The following OSCP1 variants were observed in gnomAD, a reference collection of about 807,000 sequenced individuals.
OSCP1 encodes protein OSCP1.
A neutral mutation model predicts 45.1 loss-of-function variants in OSCP1; 35 were observed. The ratio of observed to expected loss-of-function variants is 0.78; its 90% CI spans 0.59 to 1.03. The LOEUF (loss-of-function observed/expected upper bound fraction) is 1.03. Among genes scored for constraint, OSCP1 ranks in the 50% least tolerant of loss-of-function variants. The pLI is 0.00. For synonymous variants in OSCP1, 179 were observed against 180.1 expected, an observed-to-expected ratio of 0.99 and a Z score of 0.05; for missense variants, 400 against 470.7, an observed-to-expected ratio of 0.85 and a Z score of 1.39.
chr1:36,419,087 A>G (rs373663686), intron 8 of OSCP1, 33 bp from the exon 9 acceptor site: 18 of 1,571,456 alleles, frequency 1.1e-5, no homozygotes, highest in African/African-American at 2.7e-5. Flanking sequence ...TGGGTGCAAC[A>G]TTAGGGTTCT....
intron 2 of OSCP1, among the ~76,000 whole-genome samples, chr1:36,437,246 C>T (rs1648805603): frequency 6.6e-6 from 1 of 151,628 alleles, no homozygotes; most frequent in African/African-American, 2.4e-5. Flanking sequence ...ACTTGTCTGT[C>T]CTCTGCCATT....
At chr1:36,426,403 GGGCTCACCTCTGAGCTCAT>G (rs1647964863) in intron 4 of OSCP1, among the ~76,000 whole-genome samples, 1 of 152,024 alleles carries the variant, frequency 6.6e-6, no homozygotes, top group Non-Finnish European at 1.5e-5. Context: ...CCATACTCCA[GGGCTCACCTCTGAGCTCAT>G]GGCTCCCAGA....
Position 36,432,605 on chromosome 1 carries a change from C to A in OSCP1, c.268-16G>T. On this transcript the variant is annotated splice_polypyrimidine_tract_variant and intron_variant, in intron 2 of 9. Transcript: ENST00000235532. The stretch of plus-strand genomic sequence containing the variant: ...GGTCATAGAGCTGCCAACCCACACA[C>A]AAGCAAAAGAAATGGGATCATATCA... 6.2e-7 allele frequency: 1 copy of A among 1,614,026 alleles called. No individual in the cohort carries two copies. Among genetic ancestry groups the A allele is most frequent in the Non-Finnish European group, 8.5e-7 (1 of 1,179,962 alleles).
At position 36,441,750 on chromosome 1, in the gene OSCP1, CAAAAAAA is replaced by C. The variant is rs575967932; in HGVS notation, c.113-2847_113-2841del. 1.4e-3 allele frequency among the ~76,000 whole-genome samples: 79 copies of C among 58,280 alleles called. No homozygotes were observed. In the East Asian group the frequency reaches 0.028, roughly 21 times the overall value. 38.2% of individuals were successfully genotyped at this position (58,280 alleles called of 152,430 possible). On this transcript the variant is annotated intron_variant, in intron 1 of 9. Coordinates refer to ENST00000235532, the MANE Select transcript of OSCP1 (RefSeq NM_145047.5). The stretch of plus-strand genomic sequence containing the variant: ...TGGGTAACAGAGCGAGACTCCAGCT[CAAAAAAA>C]AAAAAAAAAAAAAAAGTAATTTGTT...
At chr1:36,448,958 T>C (rs1473637441) in intron 1 of OSCP1, among the ~76,000 whole-genome samples, 1 of 152,194 alleles carries the variant, frequency 6.6e-6, no homozygotes, top group Non-Finnish European at 1.5e-5. Flanking sequence ...GAAAGCTCAT[T>C]GGCGGCAATG....
intron 4 of OSCP1, among the ~76,000 whole-genome samples, chr1:36,426,754 G>A (rs1337318064): frequency 6.6e-6 from 1 of 152,104 alleles, no homozygotes; most frequent in Non-Finnish European, 1.5e-5. Flanking sequence ...AGCCCAGGCT[G>A]TAGTGCAGTG....
Position 36,432,518 on chromosome 1 carries a change from CAG to C in OSCP1, c.337_338del (p.Leu113GlyfsTer71). Reference protein sequence around the residue: ...LLCPRPKDVLLVTFNHLDTIK... With the variant: ...LLCPRPKDVLXVTFNHLDTIK... ...TGGTATCCAAGTGATTGAAAGTGAC[CAG>C]CAGCACATCCTTGGGTCGGGGACAC... On this transcript the variant is annotated frameshift_variant, in exon 3 of 10. Transcript: ENST00000235532. LOFTEE classifies it high-confidence loss of function. 1 of 1,614,022 alleles carries C rather than the reference CAG, an allele frequency of 6.2e-7. No individual in the cohort carries two copies. The highest frequency in any genetic ancestry group is 8.5e-7 in the Non-Finnish European group (1 of 1,179,994).
intron 1 of OSCP1, among the ~76,000 whole-genome samples, chr1:36,441,309 C>T (rs1189637096): frequency 6.6e-6 from 1 of 152,176 alleles, no homozygotes; most frequent in Non-Finnish European, 1.5e-5. Flanking sequence ...CAATTTGCTT[C>T]ACCCAGCCCT....
Position 36,418,926 on chromosome 1 carries a change from C to CAAA in OSCP1, c.1023+64_1023+65insTTT, listed in dbSNP as rs373575842. The CAAA allele has an allele frequency of 5.4e-4, 686 of 1,264,904 alleles. 3 individuals are homozygous for CAAA. Among genetic ancestry groups the CAAA allele is most frequent in the South Asian group, 1.2e-3 (91 of 75,644 alleles). The allele number at this position is 1,264,904 out of a possible 1,614,324, so 78.4% of individuals were successfully genotyped here. A position where few individuals can be genotyped will look rare whatever the true frequency, so the allele number is the denominator to read the frequency against. ...TGGGTGACAGAGCGAGACCCTGTCT[C>CAAA]AAGAAAAAAAAAAAAAGATGAGGAA... On this transcript the variant is annotated intron_variant, in intron 9 of 9. Coordinates refer to ENST00000235532, the MANE Select transcript of OSCP1 (RefSeq NM_145047.5).
intron 2 of OSCP1, 47 bp from the exon 3 acceptor site, chr1:36,432,636 A>G (rs1648448923): frequency 6.2e-7 from 1 of 1,609,420 alleles, no homozygotes; most frequent in East Asian, 2.2e-5. Context: ...TATCAAAATC[A>G]GGTGTGAGAA....
rs935758772 is a variant in OSCP1, at chr1:36,447,931, C to T, written c.112+2327G>A. 1.1e-5 allele frequency: 5 copies of T among 450,828 alleles called. No homozygotes were observed. In the Admixed American group the frequency reaches 1.2e-4, roughly 11 times the overall value. The allele number at this position is 450,828 out of a possible 1,614,324, so 27.9% of individuals were successfully genotyped here. ...TGCGAATGTAAATTACTAAAGATGG[C>T]CGAAACTCCCAAAACCATATTTAGC... On this transcript the variant is annotated intron_variant, in intron 1 of 9. Transcript: ENST00000235532. This position sits in a 1 kb window ranked among gnomAD's most constrained non-coding sequence, Gnocchi z 4.1.
rs371289149 is a variant in OSCP1, at chr1:36,443,938, T to G, written c.113-5028A>C. 6 of 1,540,960 alleles carry G rather than the reference T, an allele frequency of 3.9e-6. No individual in the cohort carries two copies. In the African/African-American group the frequency reaches 8.2e-5, roughly 21 times the overall value. On this transcript the variant is annotated intron_variant, in intron 1 of 9. Coordinates refer to ENST00000235532, the MANE Select transcript of OSCP1 (RefSeq NM_145047.5). ...TTTCAAGCGGTCCCATTTTAAGCCC[T>G]GCTGATAAAGGCCTGAGTGAACCTG...
intron 4 of OSCP1, among the ~76,000 whole-genome samples, chr1:36,430,379 T>A (rs75026486): frequency 6.6e-6 from 1 of 151,974 alleles, no homozygotes; most frequent in African/African-American, 2.4e-5. Context: ...TAGAATTGCC[T>A]AGCTATGTAG....
intron 2 of OSCP1, among the ~76,000 whole-genome samples, chr1:36,435,326 T>C (rs1648652105): frequency 6.6e-6 from 1 of 151,690 alleles, no homozygotes; most frequent in South Asian, 2.1e-4. Context: ...TGTTAAAAAA[T>C]ATTAGAGACG....
At chr1:36,444,315 T>G (rs1649374641) in intron 1 of OSCP1, among the ~76,000 whole-genome samples, 1 of 152,204 alleles carries the variant, frequency 6.6e-6, no homozygotes, top group Non-Finnish European at 1.5e-5. Flanking sequence ...TGGTTCATCT[T>G]GAAAGGCCCA....
At chr1:36,420,142 ATT>A (rs879625733) in intron 8 of OSCP1, among the ~76,000 whole-genome samples, 13 of 138,432 alleles carry the variant, frequency 9.4e-5, no homozygotes, top group Non-Finnish European at 1.1e-4. Context: ...CACCCAGCTA[ATT>A]TTTTTTTTTT....
Position 36,432,414 on chromosome 1 carries a change from A to C in OSCP1, c.435+8T>G, listed in dbSNP as rs762891654. The stretch of plus-strand genomic sequence containing the variant: ...GGCTGAGAGGCGAGACACTGATGGC[A>C]CTCTTACTTCTGTCAGCTGCCGCAA... On this transcript the variant is annotated splice_region_variant and intron_variant, in intron 3 of 9. Transcript: ENST00000235532. 2.5e-6 allele frequency: 4 copies of C among 1,613,308 alleles called. No individual in the cohort carries two copies. Among genetic ancestry groups the C allele is most frequent in the Admixed American group, 1.7e-5 (1 of 59,982 alleles).
Position 36,423,413 on chromosome 1 carries a change from C to T in OSCP1, c.570G>A (p.Leu190=). 2.5e-6 allele frequency: 4 copies of T among 1,612,828 alleles called. No individual in the cohort carries two copies. The highest frequency in any genetic ancestry group is 3.4e-6 in the Non-Finnish European group (4 of 1,179,266). ...CCCAAGGAACAGGCCCGGACACCGG[C>T]AACACAAAGCGACCGTTATTATTCT... The part of the protein sequence containing the change: ...KVQNNNGRFV[L]PVSGPVPWGT... Residue 190 remains leucine, a synonymous_variant, in exon 5 of 10, where the codon TTG becomes TTA. Coordinates refer to ENST00000235532, the MANE Select transcript of OSCP1 (RefSeq NM_145047.5).
At position 36,422,880 on chromosome 1, in the gene OSCP1, C is replaced by A. The variant is rs1305745796; in HGVS notation, c.637G>T (p.Gly213Cys). 6.2e-7 allele frequency: 1 copy of A among 1,604,978 alleles called. No homozygotes were observed. ...PGLIRMFNNK[G>C]EEVKRIEFKH... ...AATTCTATCCTCTTCACTTCTTCAC[C>A]TTTGTTGTTGAACATTCTACAATAC... The change falls in exon 6 of 10, where the codon GGT (glycine) becomes TGT (cysteine). Residue 213 changes from glycine to cysteine, a missense_variant. Transcript: ENST00000235532.
Sources: gnomAD v4.1 joint callset for allele counts (sites outside exome capture counted in the v4.1 genomes callset) on GRCh38, gnomAD v4.1.1 for gene constraint, Gnocchi (gnomAD v3.1) non-coding constraint, MANE v1.5 for transcripts, NCBI Gene and HGNC (gene_info 2026-07-23, HGNC 2026-07-21) for gene names.